Variants in ERC2 observed in about 807,000 individuals in gnomAD.
ERC2 encodes ELKS/RAB6-interacting/CAST family member 2.
ERC2 carries 42 observed loss-of-function variants against 114.8 expected under a neutral mutation model. The ratio of observed to expected loss-of-function variants is 0.37; its 90% CI spans 0.29 to 0.47. ERC2 has a LOEUF of 0.47. ERC2 is among the 20% of genes least tolerant of loss of function. The pLI is 0.99. For missense variants in ERC2, 939 were observed against 1,150.7 expected (o/e 0.82, Z 2.66); for synonymous variants, 454 against 425.5 (o/e 1.07, Z -0.82).
chr3:56,292,771 C>G (rs914327355), intron 3 of ERC2, among the ~76,000 whole-genome samples: 1 of 152,134 alleles, frequency 6.6e-6, no homozygotes, highest in African/African-American at 2.4e-5. Flanking sequence ...CCTCCTAGGC[C>G]ATGGGTCTTT....
intron 3 of ERC2, among the ~76,000 whole-genome samples, chr3:56,293,912 C>T (rs2055257553): frequency 6.6e-6 from 1 of 152,186 alleles, no homozygotes; most frequent in Admixed American, 6.5e-5. Context: ...AATCTAATTG[C>T]AGAAGAAGAA....
chr3:56,148,352 C>T (rs1281335988), intron 5 of ERC2, among the ~76,000 whole-genome samples: 1 of 152,108 alleles, frequency 6.6e-6, no homozygotes, highest in East Asian at 1.9e-4. Flanking sequence ...GTGGTACCAT[C>T]TTGGCTCACT....
intron 14 of ERC2, among the ~76,000 whole-genome samples, chr3:55,792,736 T>A (rs1209154083): frequency 6.6e-6 from 1 of 152,202 alleles, no homozygotes; most frequent in Admixed American, 6.5e-5. Context: ...TGAATGTGCA[T>A]GAATTTCCCA....
At chr3:55,621,774 T>A (rs564174734) in intron 17 of ERC2, among the ~76,000 whole-genome samples, 159 of 152,056 alleles carry the variant, frequency 1.0e-3, no homozygotes, top group Non-Finnish European at 1.7e-3. Flanking sequence ...GCTAGGCCAA[T>A]TGGGGGAGAA....
chr3:55,581,583 G>A (rs1260171308), intron 17 of ERC2, among the ~76,000 whole-genome samples: 1 of 152,148 alleles, frequency 6.6e-6, no homozygotes, highest in Non-Finnish European at 1.5e-5. Flanking sequence ...TCTGGTGAAA[G>A]GGAAAGAAGC....
At chr3:56,446,870 T>C (rs964459348) in intron 1 of ERC2, among the ~76,000 whole-genome samples, 5 of 151,922 alleles carry the variant, frequency 3.3e-5, no homozygotes, top group Non-Finnish European at 5.9e-5. Context: ...CAAGTGATCC[T>C]CCGGCCTCAG....
intron 13 of ERC2, among the ~76,000 whole-genome samples, chr3:55,919,128 TA>T (rs2065270237): frequency 6.6e-6 from 1 of 152,182 alleles, no homozygotes; most frequent in Non-Finnish European, 1.5e-5. Flanking sequence ...CCTGTAATCC[TA>T]ACACTTTGGG....
intron 17 of ERC2, among the ~76,000 whole-genome samples, chr3:55,659,955 C>T (rs1178884178): frequency 6.6e-6 from 1 of 152,116 alleles, no homozygotes; most frequent in Non-Finnish European, 1.5e-5. Context: ...CACTACAGCA[C>T]TTATTATACT....
rs146882523 is a variant in ERC2 at position 56,193,469 on chromosome 3, C to T, written c.1075-19949G>A. Among the ~76,000 whole-genome samples, 1,361 of 151,150 alleles carry T rather than the reference C, an allele frequency of 9.0e-3. 7 individuals carry two copies. The highest frequency in any genetic ancestry group is 0.014 in the Non-Finnish European group (933 of 67,834). The stretch of plus-strand genomic sequence containing the variant: ...TTGCAGTGAGCCAAGATCATGCCAC[C>T]ACACTCAAGCCTGGGTGACCGAGCG... On this transcript the variant is annotated intron_variant, in intron 3 of 17. Coordinates refer to ENST00000288221, the MANE Select transcript of ERC2 (RefSeq NM_015576.3).
intron 3 of ERC2, among the ~76,000 whole-genome samples, chr3:56,203,957 G>C (rs551114607): frequency 6.6e-6 from 1 of 152,036 alleles, no homozygotes; most frequent in East Asian, 1.9e-4. Context: ...CGAGGCAGGT[G>C]AATCACGAGG....
chr3:56,393,870 G>A (rs950718215), intron 2 of ERC2, among the ~76,000 whole-genome samples: 55 of 152,122 alleles, frequency 3.6e-4, no homozygotes, highest in Admixed American at 4.6e-4. Context: ...AAAGCTAAGG[G>A]AGCCATCTCT....
intron 3 of ERC2, among the ~76,000 whole-genome samples, chr3:56,189,601 T>C (rs1030941360): frequency 2.0e-5 from 3 of 152,178 alleles, no homozygotes; most frequent in African/African-American, 7.2e-5. Context: ...AGGGGTTCTG[T>C]ATCAAGGGGC....
intron 2 of ERC2, among the ~76,000 whole-genome samples, chr3:56,401,089 C>A (rs554561047): frequency 6.6e-6 from 1 of 152,204 alleles, no homozygotes. Context: ...AGTCTGTGAA[C>A]TTTTCTAGCT....
chr3:55,938,052 C>G (rs2066560936), intron 13 of ERC2, among the ~76,000 whole-genome samples: 1 of 152,134 alleles, frequency 6.6e-6, no homozygotes, highest in Admixed American at 6.5e-5. Flanking sequence ...CCAAAAAGCC[C>G]TACGCCCACA....
chr3:56,209,752 A>G (rs1269868387), intron 3 of ERC2, among the ~76,000 whole-genome samples: 1 of 152,138 alleles, frequency 6.6e-6, no homozygotes, highest in East Asian at 1.9e-4. Flanking sequence ...AAGCGCAAAT[A>G]GCATCCTCCT....
chr3:55,769,307 T>G (rs1482633307), intron 14 of ERC2, among the ~76,000 whole-genome samples: 3 of 152,092 alleles, frequency 2.0e-5, no homozygotes, highest in Non-Finnish European at 4.4e-5. Flanking sequence ...GTTTGGGAGC[T>G]GATAGTGAAC....
At chr3:56,301,724 A>T (rs1320110467) in intron 2 of ERC2, among the ~76,000 whole-genome samples, 1 of 152,138 alleles carries the variant, frequency 6.6e-6, no homozygotes, top group Non-Finnish European at 1.5e-5. Context: ...ATAAAAAAAA[A>T]AATTACCAGA....
chr3:55,760,740 G>T (rs957038949), intron 14 of ERC2, among the ~76,000 whole-genome samples: 1 of 152,136 alleles, frequency 6.6e-6, no homozygotes, highest in African/African-American at 2.4e-5. Context: ...ACGTGAACAC[G>T]CCATGTACAA....
chr3:55,516,743 A>C (rs1011466135), intron 17 of ERC2, among the ~76,000 whole-genome samples: 1 of 152,268 alleles, frequency 6.6e-6, no homozygotes, highest in African/African-American at 2.4e-5. Flanking sequence ...ATGGCAGCAC[A>C]GACTGCTATG....
Sources: gnomAD v4.1 joint callset for allele counts (sites outside exome capture counted in the v4.1 genomes callset) on GRCh38, gnomAD v4.1.1 for gene constraint, MANE v1.5 for transcripts, NCBI Gene and HGNC (gene_info 2026-07-23, HGNC 2026-07-21) for gene names.